Variants in DCUN1D3 observed in about 807,000 individuals in gnomAD.
DCUN1D3 encodes DCN1-like protein 3.
In DCUN1D3, 6 loss-of-function variants were observed where a neutral mutation model predicts 24.8. That is an observed-to-expected ratio of 0.24 (90% CI 0.13 to 0.48). The LOEUF is 0.48. Among genes scored for constraint, DCUN1D3 ranks in the 20% least tolerant of loss-of-function variants. The probability of loss-of-function intolerance (pLI) is 0.99; values close to 1 mark genes in which losing one functional copy is unlikely to be tolerated. For synonymous variants in DCUN1D3, 120 were observed against 144.9 expected, an observed-to-expected ratio of 0.83 and a Z score of 1.24; for missense variants, 258 against 379.4, an observed-to-expected ratio of 0.68 and a Z score of 2.66.
rs747808006 is a variant in DCUN1D3 at position 20,862,362 on chromosome 16, G to A, written c.177C>T (p.Ala59=). The A allele has an allele frequency of 1.2e-5, 20 of 1,614,114 alleles. No homozygotes were observed. Among genetic ancestry groups the A allele is most frequent in the South Asian group, 4.4e-5 (4 of 91,068 alleles). Residue 59 remains alanine (A), a synonymous_variant, in exon 2 of 3, where the codon GCC becomes GCT. Transcript: ENST00000324344. ...GDILVNGTKK[A]EAATEACQLP... ...GCTGGCAGGCCTCAGTGGCAGCCTC[G>A]GCCTTCTTGGTCCCGTTGACGAGGA...
chr16:20,855,440 A>G lies in DCUN1D3; in HGVS notation c.*4446T>C, dbSNP rs761213342. 2.0e-5 allele frequency: 3 copies of G among 152,310 alleles called. No homozygotes were observed. Among genetic ancestry groups the G allele is most frequent in the Non-Finnish European group, 4.4e-5 (3 of 68,074 alleles). The allele number at this position is 152,310 out of a possible 1,614,324, so 9.4% of individuals were successfully genotyped here. On this transcript the variant is annotated 3_prime_UTR_variant, in exon 3 of 3. Coordinates refer to ENST00000324344, the MANE Select transcript of DCUN1D3 (RefSeq NM_173475.4). ...GAATGGCTTCCTTTGGCAATATCCA[A>G]GATTTGTGTTGAAAGGAGCAGGGAG...
At chr16:20,892,556 T>C (rs1018533738) in intron 1 of DCUN1D3, among the ~76,000 whole-genome samples, 1 of 152,224 alleles carries the variant, frequency 6.6e-6, no homozygotes, top group East Asian at 1.9e-4. Flanking sequence ...AAATAAGGAA[T>C]GCATGTCCAT....
chr16:20,892,874 C>T (rs966508341), intron 1 of DCUN1D3, among the ~76,000 whole-genome samples: 1 of 152,190 alleles, frequency 6.6e-6, no homozygotes, highest in Non-Finnish European at 1.5e-5. Flanking sequence ...GTATCCACAA[C>T]CACTACTAAA....
intron 1 of DCUN1D3, among the ~76,000 whole-genome samples, chr16:20,889,291 C>T (rs547363051): frequency 6.6e-6 from 1 of 150,412 alleles, no homozygotes; most frequent in Non-Finnish European, 1.5e-5. Flanking sequence ...ACTCGGGAAG[C>T]TGAGGTAGGA....
intron 1 of DCUN1D3, among the ~76,000 whole-genome samples, chr16:20,891,010 T>G (rs1345299123): frequency 6.6e-6 from 1 of 152,194 alleles, no homozygotes; most frequent in East Asian, 1.9e-4. Flanking sequence ...TTTTTTTTTT[T>G]TGAGATGGAG....
At chr16:20,861,567 G>C (rs1288552691) in intron 2 of DCUN1D3, among the ~76,000 whole-genome samples, 4 of 152,162 alleles carry the variant, frequency 2.6e-5, no homozygotes, top group Admixed American at 6.5e-5. Flanking sequence ...ATGTAAAGGA[G>C]TAAAAGAAAA....
intron 1 of DCUN1D3, among the ~76,000 whole-genome samples, chr16:20,882,552 A>T (rs1006923233): frequency 2.0e-5 from 3 of 152,202 alleles, no homozygotes; most frequent in Non-Finnish European, 4.4e-5. Context: ...GGCGTGAGCC[A>T]CCATGCCCGG....
In DCUN1D3 at chr16:20,857,012, C is replaced by G. The variant is rs1223947966; in HGVS notation, c.*2874G>C. 2 of 152,190 alleles carry G rather than the reference C, an allele frequency of 1.3e-5. No homozygotes were observed. Among genetic ancestry groups the G allele is most frequent in the Non-Finnish European group, 2.9e-5 (2 of 68,044 alleles). 9.4% of individuals were successfully genotyped at this position (152,190 alleles called of 1,614,324 possible). Reference sequence around the variant, plus strand: ...TTCAGCCTCTTACACAGACTTACTGCTCACTCATTAAGTGGCAAACCTATT... The same window carrying G: ...TTCAGCCTCTTACACAGACTTACTGGTCACTCATTAAGTGGCAAACCTATT... On this transcript the variant is annotated 3_prime_UTR_variant, in exon 3 of 3. Coordinates refer to ENST00000324344, the MANE Select transcript of DCUN1D3 (RefSeq NM_173475.4).
chr16:20,867,894 T>C (rs2081770274), intron 1 of DCUN1D3, among the ~76,000 whole-genome samples: 1 of 152,182 alleles, frequency 6.6e-6, no homozygotes, highest in Non-Finnish European at 1.5e-5. Context: ...CACTACCCAG[T>C]AATGCTTGGA....
In DCUN1D3 at chr16:20,860,322, T is replaced by C. The variant is rs1177612698; in HGVS notation, c.479A>G (p.Asp160Gly). 2 of 1,614,154 alleles carry C rather than the reference T, an allele frequency of 1.2e-6. No individual in the cohort carries two copies. The highest frequency in any genetic ancestry group is 8.5e-7 in the Non-Finnish European group (1 of 1,180,012). Residue 160 changes from aspartate to glycine, a missense_variant, in exon 3 of 3, where the codon GAC becomes GGC. By Grantham distance (94) the Asp-to-Gly change is moderately conservative. Transcript: ENST00000324344. The surrounding 1 kb of genome is among the most constrained non-coding windows in gnomAD (Gnocchi z 4.3). ...GCKAISADSI[D>G]GICARFPSLL... ...GCTAGGGAACCGTGCACAGATTCCG[T>C]CAATGCTGTCTGCACTTATTGCTTT...
At chr16:20,870,807 G>A (rs962028847) in intron 1 of DCUN1D3, among the ~76,000 whole-genome samples, 1 of 152,128 alleles carries the variant, frequency 6.6e-6, no homozygotes, top group Non-Finnish European at 1.5e-5. Flanking sequence ...GAGCTAGCTG[G>A]GTGCAGCTTT....
chr16:20,855,519 GAGA>G lies in DCUN1D3; in HGVS notation c.*4364_*4366del, dbSNP rs1490421288. 5 of 152,262 alleles carry G rather than the reference GAGA, an allele frequency of 3.3e-5. No homozygotes were observed. The highest frequency in any genetic ancestry group is 2.4e-5 in the African/African-American group (1 of 41,458). The allele number at this position is 152,262 out of a possible 1,614,324, so 9.4% of individuals were successfully genotyped here. A position where few individuals can be genotyped will look rare whatever the true frequency, so the allele number is the denominator to read the frequency against. ...ATGAGATAGGCTGGGTTTCCAAGAA[GAGA>G]AGAATAGGGAGGACATGATGCCCAG... On this transcript the variant is annotated 3_prime_UTR_variant, in exon 3 of 3. Transcript: ENST00000324344.
chr16:20,862,983 G>C (rs902204759), intron 1 of DCUN1D3, among the ~76,000 whole-genome samples: 1 of 152,186 alleles, frequency 6.6e-6, no homozygotes, highest in Non-Finnish European at 1.5e-5. Flanking sequence ...CATAAGAAAA[G>C]TTATTTGGAC....
intron 1 of DCUN1D3, among the ~76,000 whole-genome samples, chr16:20,880,604 CAAAAAA>C (rs34275241): frequency 3.9e-5 from 2 of 51,924 alleles, no homozygotes; most frequent in African/African-American, 9.2e-5. Context: ...GACCCTGTCT[CAAAAAA>C]AAAAAAAAAA....
intron 1 of DCUN1D3, among the ~76,000 whole-genome samples, chr16:20,882,427 T>C (rs1381090073): frequency 6.6e-6 from 1 of 151,076 alleles, no homozygotes; most frequent in Non-Finnish European, 1.5e-5. Flanking sequence ...TAATTTTGTA[T>C]ATATATATAT....
chr16:20,881,238 T>C (rs2152517951), intron 1 of DCUN1D3, among the ~76,000 whole-genome samples: 1 of 152,290 alleles, frequency 6.6e-6, no homozygotes, highest in South Asian at 2.1e-4. Flanking sequence ...ACTCTGTCTC[T>C]ACAAAAAAAT....
At chr16:20,897,187 T>C (rs746353724) in intron 1 of DCUN1D3, among the ~76,000 whole-genome samples, 5 of 152,208 alleles carry the variant, frequency 3.3e-5, no homozygotes, top group African/African-American at 4.8e-5. Context: ...GTCACTGTTG[T>C]AGGGTTCAAG....
chr16:20,872,046 C>T (rs1364950853), intron 1 of DCUN1D3, among the ~76,000 whole-genome samples: 1 of 152,184 alleles, frequency 6.6e-6, no homozygotes, highest in African/African-American at 2.4e-5. Context: ...TCAGTAGAGC[C>T]CACTGAAAGT....
chr16:20,895,742 G>T (rs2081912520), intron 1 of DCUN1D3, among the ~76,000 whole-genome samples: 2 of 152,216 alleles, frequency 1.3e-5, no homozygotes, highest in Non-Finnish European at 2.9e-5. Flanking sequence ...AACTAGATTT[G>T]AACTGAAAGA....
Sources: gnomAD v4.1 joint callset for allele counts (sites outside exome capture counted in the v4.1 genomes callset) on GRCh38, gnomAD v4.1.1 for gene constraint, Gnocchi (gnomAD v3.1) non-coding constraint, MANE v1.5 for transcripts, NCBI Gene and HGNC (gene_info 2026-07-23, HGNC 2026-07-21) for gene names.